The following SPOCK1 variants were observed in gnomAD, a reference collection of about 807,000 sequenced individuals.
SPOCK1 encodes the protein SPARC (osteonectin), cwcv and kazal like domains proteoglycan 1.
SPOCK1 carries 23 observed loss-of-function variants against 55.3 expected under a neutral mutation model. The observed-to-expected ratio is 0.42, with a 90% CI of 0.30 to 0.59. The LOEUF is 0.59. SPOCK1 is among the 20% of genes least tolerant of loss of function. The pLI, the probability that SPOCK1 is intolerant of heterozygous loss-of-function variation, is 0.22. For missense variants in SPOCK1, 499 were observed against 552.5 expected (o/e 0.90, Z 0.97); for synonymous variants, 226 against 221.0 (o/e 1.02, Z -0.20).
At chr5:137,031,899 G>A (rs1751786305) in intron 6 of SPOCK1, among the ~76,000 whole-genome samples, 1 of 151,278 alleles carries the variant, frequency 6.6e-6, no homozygotes, top group Non-Finnish European at 1.5e-5. Context: ...TATCAAAGAG[G>A]AGTTTACAAT....
chr5:137,112,146 T>G (rs961581992), intron 5 of SPOCK1, among the ~76,000 whole-genome samples: 5 of 152,186 alleles, frequency 3.3e-5, no homozygotes, highest in African/African-American at 7.2e-5. Context: ...CAGCTGGCTA[T>G]CCCACCTTCT....
At chr5:137,297,075 T>C (rs1757503753) in intron 2 of SPOCK1, among the ~76,000 whole-genome samples, 2 of 152,202 alleles carry the variant, frequency 1.3e-5, no homozygotes, top group African/African-American at 4.8e-5. Context: ...ATAAACATAA[T>C]ATGTATGTAT....
intron 2 of SPOCK1, among the ~76,000 whole-genome samples, chr5:137,420,672 T>C (rs1456726882): frequency 1.3e-5 from 2 of 152,236 alleles, no homozygotes; most frequent in Admixed American, 6.5e-5. Context: ...TTGTGTCTAT[T>C]TGATTCTTCT....
intron 2 of SPOCK1, among the ~76,000 whole-genome samples, chr5:137,270,416 A>G (rs1241702554): frequency 6.6e-6 from 1 of 152,242 alleles, no homozygotes; most frequent in African/African-American, 2.4e-5. Flanking sequence ...TGAGGAATGA[A>G]GGATGGCAGT....
chr5:137,261,315 C>G (rs79310097), intron 3 of SPOCK1, among the ~76,000 whole-genome samples: 385 of 152,276 alleles, frequency 2.5e-3, no homozygotes, highest in African/African-American at 8.8e-3. Context: ...CTTGACTCCC[C>G]AGACACCCTT....
intron 2 of SPOCK1, among the ~76,000 whole-genome samples, chr5:137,425,191 A>G (rs1027499977): frequency 9.5e-4 from 20 of 21,116 alleles, no homozygotes; most frequent in East Asian, 0.017. Flanking sequence ...TGGGCTTAGT[A>G]CAATGGCCTT....
chr5:137,283,075 G>A (rs1393071309), intron 2 of SPOCK1, among the ~76,000 whole-genome samples: 2 of 152,234 alleles, frequency 1.3e-5, no homozygotes, highest in African/African-American at 4.8e-5. Flanking sequence ...AAGGATGCGA[G>A]GCTCAGTTCC....
intron 6 of SPOCK1, among the ~76,000 whole-genome samples, chr5:137,066,601 C>T (rs1580732981): frequency 6.6e-6 from 1 of 152,122 alleles, no homozygotes; most frequent in Non-Finnish European, 1.5e-5. Context: ...GATTTTCTGA[C>T]CAGACTACAA....
chr5:137,148,315 A>C (rs1425556548), intron 3 of SPOCK1, among the ~76,000 whole-genome samples: 8 of 152,218 alleles, frequency 5.3e-5, no homozygotes, highest in Admixed American at 5.2e-4. Flanking sequence ...TGATAAGCCC[A>C]ACATGGTAAT....
chr5:137,207,375 G>A (rs1755537795), intron 3 of SPOCK1, among the ~76,000 whole-genome samples: 1 of 152,252 alleles, frequency 6.6e-6, no homozygotes, highest in African/African-American at 2.4e-5. Context: ...TTAGTATTAT[G>A]TAGTAGAAGG....
chr5:137,282,487 G>A (rs1373127203), intron 2 of SPOCK1, among the ~76,000 whole-genome samples: 1 of 152,238 alleles, frequency 6.6e-6, no homozygotes, highest in East Asian at 1.9e-4. Context: ...TCCTGCCTAG[G>A]AACGTCTACA....
chr5:137,339,401 T>G (rs1385402484), intron 2 of SPOCK1, among the ~76,000 whole-genome samples: 1 of 152,230 alleles, frequency 6.6e-6, no homozygotes, highest in Non-Finnish European at 1.5e-5. Flanking sequence ...GAAAGACATT[T>G]TCTACTAAAT....
chr5:137,104,137 T>C (rs1270381245), intron 5 of SPOCK1, among the ~76,000 whole-genome samples: 1 of 152,130 alleles, frequency 6.6e-6, no homozygotes, highest in Non-Finnish European at 1.5e-5. Context: ...GTGTTGGAGG[T>C]GGGGCTGGTG....
rs375899711 is a variant in SPOCK1 at position 137,001,186 on chromosome 5, A to G, written c.590-8586T>C. ...TTAGGACCACGAGGAGAATGAAACTATAATAGAATGCACTTAAGCACTCAG... is the reference window on the plus strand; with the variant it reads ...TTAGGACCACGAGGAGAATGAAACTGTAATAGAATGCACTTAAGCACTCAG... On this transcript the variant is annotated intron_variant, in intron 6 of 10. Coordinates refer to ENST00000394945, the MANE Select transcript of SPOCK1 (RefSeq NM_004598.4). Among the ~76,000 whole-genome samples, 5 of 152,300 alleles carry G rather than the reference A, an allele frequency of 3.3e-5. No homozygotes were observed. The East Asian group carries it at 7.7e-4, about 24-fold the overall frequency.
chr5:137,401,663 T>C (rs556593281), intron 2 of SPOCK1, among the ~76,000 whole-genome samples: 1 of 152,222 alleles, frequency 6.6e-6, no homozygotes, highest in East Asian at 1.9e-4. Flanking sequence ...GAGGATCACT[T>C]GAGTCCAGGA....
Position 137,308,512 on chromosome 5 carries a change from C to T in SPOCK1, c.187-41457G>A, listed in dbSNP as rs184540150. On this transcript the variant is annotated intron_variant, in intron 2 of 10. Transcript: ENST00000394945. ...TCAGCAGTGAGAGAGCAGTGCCATG[C>T]ATCTCTTCCAGGGCCCCGGTTCCAA... 3.9e-5 allele frequency among the ~76,000 whole-genome samples: 6 copies of T among 152,338 alleles called. No individual in the cohort carries two copies. In the East Asian group the frequency reaches 1.2e-3, roughly 29 times the overall value.
At chr5:137,362,848 A>G (rs1217245073) in intron 2 of SPOCK1, among the ~76,000 whole-genome samples, 1 of 152,212 alleles carries the variant, frequency 6.6e-6, no homozygotes, top group Non-Finnish European at 1.5e-5. Context: ...ATGGGCAGGC[A>G]TTGTACTAAG....
rs541671969 is a variant in SPOCK1, at chr5:137,030,489, A to G, written c.589+37226T>C. On this transcript the variant is annotated intron_variant, in intron 6 of 10. Coordinates refer to ENST00000394945, the MANE Select transcript of SPOCK1 (RefSeq NM_004598.4). ...CAGCTTGCCAAACAAAAAAGAAAAA[A>G]TGTTCAACCTCACAAGTAATCAAAG... is the stretch of plus-strand genomic sequence containing the variant. Among the ~76,000 whole-genome samples the G allele has an allele frequency of 3.0e-4, 45 of 152,366 alleles. 1 individual carries two copies. Among genetic ancestry groups the G allele is most frequent in the Admixed American group, 2.7e-3 (42 of 15,310 alleles).
At chr5:137,484,173 G>T (rs1380824912) in intron 2 of SPOCK1, among the ~76,000 whole-genome samples, 1 of 152,188 alleles carries the variant, frequency 6.6e-6, no homozygotes, top group African/African-American at 2.4e-5. Flanking sequence ...CAGGAGCAGG[G>T]CATCCATCAG....
Sources: gnomAD v4.1 joint callset for allele counts (sites outside exome capture counted in the v4.1 genomes callset) on GRCh38, gnomAD v4.1.1 for gene constraint, MANE v1.5 for transcripts, NCBI Gene and HGNC (gene_info 2026-07-23, HGNC 2026-07-21) for gene names.